Variants in MEF2C observed in about 807,000 individuals in gnomAD.
MEF2C encodes myocyte enhancer factor 2C, also known as myocyte-specific enhancer factor 2C.
MEF2C carries 6 observed loss-of-function variants against 50.5 expected under a neutral mutation model. The ratio of observed to expected loss-of-function variants is 0.12; its 90% confidence interval spans 0.07 to 0.23. The LOEUF is 0.23. Among genes scored for constraint, MEF2C ranks in the 10% least tolerant of loss-of-function variants. MEF2C has a pLI of 1.00. For synonymous variants in MEF2C, 183 were observed against 228.0 expected (o/e 0.80, Z 1.78); for missense variants, 276 against 605.0 (o/e 0.46, Z 5.70).
At chr5:88,833,447 T>C (rs1387177475) in intron 1 of MEF2C, among the ~76,000 whole-genome samples, 3 of 151,934 alleles carry the variant, frequency 2.0e-5, no homozygotes, top group Non-Finnish European at 4.4e-5. Flanking sequence ...AAATATCCTG[T>C]GGAAAAAAAA....
chr5:88,760,445 C>T (rs1045781020), intron 4 of MEF2C, among the ~76,000 whole-genome samples: 1 of 152,226 alleles, frequency 6.6e-6, no homozygotes, highest in Non-Finnish European at 1.5e-5. Context: ...TTCATGCAGT[C>T]TGTTCCCTGC....
At chr5:88,786,858 T>A (rs1436833020) in intron 3 of MEF2C, among the ~76,000 whole-genome samples, 1 of 152,248 alleles carries the variant, frequency 6.6e-6, no homozygotes, top group Non-Finnish European at 1.5e-5. Context: ...TACAGTAAGA[T>A]TTTTCAGGTG....
At chr5:88,723,034 GC>G in intron 10 of MEF2C, 109 bp from the exon 11 acceptor site, 2 of 996,376 alleles carry the variant, frequency 2.0e-6, no homozygotes, top group Non-Finnish European at 2.9e-6. Context: ...ACCAGAGCAT[GC>G]CCAGAGTGAA....
At chr5:88,735,763 A>G (rs1030457470) in intron 6 of MEF2C, 1 of 985,366 alleles carries the variant, frequency 1.0e-6, no homozygotes, top group Non-Finnish European at 1.2e-6. Context: ...TCCTATTTTA[A>G]GAAGTCGTAA....
intron 6 of MEF2C, among the ~76,000 whole-genome samples, chr5:88,745,588 T>A (rs1769050946): frequency 6.6e-6 from 1 of 152,204 alleles, no homozygotes; most frequent in African/African-American, 2.4e-5. Context: ...GGAGAGAGGA[T>A]TGCTTGAATC....
chr5:88,724,646 G>A (rs1354049941), intron 10 of MEF2C, among the ~76,000 whole-genome samples: 1 of 152,032 alleles, frequency 6.6e-6, no homozygotes, highest in African/African-American at 2.4e-5. Flanking sequence ...TAGTCTATCA[G>A]TTTACTAATT....
intron 10 of MEF2C, among the ~76,000 whole-genome samples, chr5:88,725,643 T>A (rs1437467397): frequency 2.0e-5 from 3 of 152,080 alleles, no homozygotes. Context: ...TTTTCATCTA[T>A]TACAGATGCT....
intron 1 of MEF2C, among the ~76,000 whole-genome samples, chr5:88,897,817 A>G (rs1169657085): frequency 1.3e-5 from 2 of 152,138 alleles, no homozygotes; most frequent in African/African-American, 2.4e-5. Flanking sequence ...CTGTTACTGT[A>G]GAGCAGGAGA....
At chr5:88,759,609 A>C (rs1196948090) in intron 4 of MEF2C, among the ~76,000 whole-genome samples, 1 of 152,242 alleles carries the variant, frequency 6.6e-6, no homozygotes, top group African/African-American at 2.4e-5. Context: ...ACAAGTATGC[A>C]TGGCTACATA....
chr5:88,740,602 C>G (rs1766186649), intron 6 of MEF2C: 2 of 984,768 alleles, frequency 2.0e-6, no homozygotes, highest in African/African-American at 3.5e-5. Context: ...ATTACAAAAG[C>G]CAGATGTCTG....
chr5:88,733,573 A>G, intron 6 of MEF2C: 2 of 985,386 alleles, frequency 2.0e-6, no homozygotes. Flanking sequence ...AGGCAGAGCA[A>G]AGGTATATTT....
chr5:88,802,836 C>G (rs1024519916), intron 3 of MEF2C, among the ~76,000 whole-genome samples: 3 of 152,190 alleles, frequency 2.0e-5, no homozygotes, highest in Admixed American at 6.5e-5. Flanking sequence ...GTTTTAAACT[C>G]CTTTAAGAAA....
intron 1 of MEF2C, among the ~76,000 whole-genome samples, chr5:88,871,242 A>G (rs983742092): frequency 2.0e-5 from 3 of 152,038 alleles, no homozygotes; most frequent in African/African-American, 7.2e-5. Context: ...TTTTCCAGTA[A>G]TCATAACCCT....
intron 1 of MEF2C, among the ~76,000 whole-genome samples, chr5:88,869,880 T>C (rs1828984710): frequency 6.6e-6 from 1 of 150,878 alleles, no homozygotes; most frequent in Non-Finnish European, 1.5e-5. Context: ...CGTCTCTATA[T>C]GGGCTAAGAA....
At chr5:88,803,106 A>C (rs976462574) in intron 3 of MEF2C, among the ~76,000 whole-genome samples, 137 of 152,344 alleles carry the variant, frequency 9.0e-4, no homozygotes, top group African/African-American at 3.2e-3. Context: ...GTACTTTCAT[A>C]TTTATATGCA....
intron 3 of MEF2C, among the ~76,000 whole-genome samples, chr5:88,792,961 A>T (rs1794456775): frequency 6.6e-6 from 1 of 152,146 alleles, no homozygotes; most frequent in African/African-American, 2.4e-5. Flanking sequence ...TTATTCTATA[A>T]ATATATTCTG....
chr5:88,886,635 T>C (rs2150176434), upstream of MEF2C, among the ~76,000 whole-genome samples: 1 of 152,372 alleles, frequency 6.6e-6, no homozygotes, highest in South Asian at 2.1e-4. Context: ...AAGAAAATTA[T>C]GTCTGGGATT....
intron 6 of MEF2C, chr5:88,733,825 T>A (rs1762702128): frequency 2.0e-6 from 2 of 985,388 alleles, no homozygotes; most frequent in African/African-American, 1.7e-5. Context: ...AAAACGTGTG[T>A]TAAGTGACAG....
At chr5:88,794,661 C>T (rs1580814816) in intron 3 of MEF2C, among the ~76,000 whole-genome samples, 1 of 152,146 alleles carries the variant, frequency 6.6e-6, no homozygotes, top group East Asian at 1.9e-4. Context: ...TCCCATTTGT[C>T]AATTTTGGCT....
Sources: allele counts gnomAD v4.1 joint callset (sites outside exome capture counted in the v4.1 genomes callset), GRCh38; gene constraint gnomAD v4.1.1; transcripts MANE v1.5; gene names NCBI Gene and HGNC (gene_info 2026-07-23, HGNC 2026-07-21).